NLRC5: variants seen among roughly 807,000 people sequenced by gnomAD.
The protein encoded by NLRC5 is NLR family CARD domain containing 5, also known as protein NLRC5.
In NLRC5, 114 loss-of-function variants were observed where a neutral mutation model predicts 206.9. That is an observed-to-expected ratio of 0.55 (90% CI 0.47 to 0.64). NLRC5 has a LOEUF of 0.64. Ranked by LOEUF, NLRC5 falls within the 30% of genes least tolerant of loss-of-function variation. The pLI is 0.00. For missense variants in NLRC5, 2,008 were observed against 2,305.5 expected (o/e 0.87, Z 2.64); for synonymous variants, 952 against 962.8 (o/e 0.99, Z 0.21).
In NLRC5 at chr16:57,037,181, C is replaced by A; in HGVS notation, c.2712-14C>A. ...AGCCACATGCCAACGGCTGCCTTCT[C>A]CTGCTCTCCACAGCCTCAGTAACAA... On this transcript the variant is annotated splice_polypyrimidine_tract_variant and intron_variant, in intron 14 of 48. Coordinates refer to ENST00000688547, the MANE Select transcript of NLRC5 (RefSeq NM_001384950.1). 1 of 1,611,954 alleles carries A rather than the reference C, an allele frequency of 6.2e-7. No homozygotes were observed. The highest frequency in any genetic ancestry group is 8.5e-7 in the Non-Finnish European group (1 of 1,178,360).
intron 22 of NLRC5, among the ~76,000 whole-genome samples, 172 bp downstream of exon 22, chr16:57,046,813 G>A (rs543412706): frequency 6.6e-6 from 1 of 152,322 alleles, no homozygotes; most frequent in Non-Finnish European, 1.5e-5. Flanking sequence ...GAGTTGGGGA[G>A]CTCTGGCCCC....
chr16:56,997,600 G>A (rs1295221559), intron 1 of NLRC5, among the ~76,000 whole-genome samples: 1 of 151,962 alleles, frequency 6.6e-6, no homozygotes, highest in Admixed American at 6.5e-5. Flanking sequence ...TCGAGATGGG[G>A]GTCTTTCACA....
chr16:57,049,533 C>T (rs1305335485), intron 23 of NLRC5, among the ~76,000 whole-genome samples: 2 of 151,744 alleles, frequency 1.3e-5, no homozygotes, highest in South Asian at 2.1e-4. Context: ...GTCAGGAGTT[C>T]GAGACTAGCC....
Position 57,076,874 on chromosome 16 carries a change from A to C in NLRC5, c.4807A>C (p.Arg1603=). Reference sequence around the variant, plus strand: ...TTGCTGCCACCTTTCTGAGGCTCTCAGGGCTGCCACCAGCCTAGAGGAGCT... The same window carrying C: ...TTGCTGCCACCTTTCTGAGGCTCTCCGGGCTGCCACCAGCCTAGAGGAGCT... ...VGCCHLSEAL[R]AATSLEELDL... is the part of the protein sequence containing the mutation. The change falls in exon 40 of 49, where the codon AGG becomes CGG. Residue 1603 remains arginine, a synonymous_variant. Coordinates refer to ENST00000688547, the MANE Select transcript of NLRC5 (RefSeq NM_001384950.1). 6.2e-7 allele frequency: 1 copy of C among 1,614,042 alleles called. No homozygotes were observed. The highest frequency in any genetic ancestry group is 8.5e-7 in the Non-Finnish European group (1 of 1,180,006).
intron 32 of NLRC5, chr16:57,062,070 A>C: frequency 7.7e-7 from 1 of 1,296,112 alleles, no homozygotes; most frequent in Non-Finnish European, 1.0e-6. Flanking sequence ...TAGAAAGAAT[A>C]ATTTTTTAAA....
rs1205242081 is a variant in NLRC5 at position 57,024,004 on chromosome 16, C to T, written c.424+151C>T. On this transcript the variant is annotated intron_variant, in intron 5 of 48. Transcript: ENST00000688547. ...TTTCCAGGAGAAAAGGACTGGAGGT[C>T]TTGCACAGGCAGAGGAGAGGCCTGG... The T allele has an allele frequency of 2.6e-5, 19 of 740,012 alleles. No individual in the cohort carries two copies. In the African/African-American group the frequency reaches 3.2e-4, roughly 12 times the overall value. 45.8% of individuals were successfully genotyped at this position (740,012 alleles called of 1,614,324 possible). A position where few individuals can be genotyped will look rare whatever the true frequency, so the allele number is the denominator to read the frequency against.
chr16:57,079,686 G>C, intron 46 of NLRC5, 57 bp downstream of exon 46: 2 of 1,477,488 alleles, frequency 1.4e-6, no homozygotes, highest in Non-Finnish European at 1.9e-6. Flanking sequence ...GGGAGGGGTC[G>C]GGGGAGTTGG....
chr16:56,998,187 C>G (rs1311566885), intron 1 of NLRC5, among the ~76,000 whole-genome samples: 1 of 149,792 alleles, frequency 6.7e-6, no homozygotes, highest in Non-Finnish European at 1.5e-5. Context: ...CCTCAAGTCA[C>G]TGATGTCTTT....
chr16:57,024,260 C>T (rs2061014474), intron 5 of NLRC5, among the ~76,000 whole-genome samples: 1 of 152,144 alleles, frequency 6.6e-6, no homozygotes, highest in Non-Finnish European at 1.5e-5. Context: ...AGACAGAGGC[C>T]CTGGGGGCCC....
rs748054205 is a variant in NLRC5 at position 57,031,412 on chromosome 16, A to G, written c.2426A>G (p.Asp809Gly). 1 of 1,613,384 alleles carries G rather than the reference A, an allele frequency of 6.2e-7. No individual in the cohort carries two copies. The highest frequency in any genetic ancestry group is 2.2e-5 in the East Asian group (1 of 44,830). Reference protein sequence around the residue: ...TVRMLQAREADLIFLLSPPTE... With the variant: ...TVRMLQAREAGLIFLLSPPTE... ...GGTATCTGATCCTGCAGGGAGGCGG[A>G]CCTCATCTTCCTTCTTTCCCCGCCC... is the stretch of plus-strand genomic sequence containing the variant. The change falls in exon 11 of 49, where the codon GAC becomes GGC. Residue 809 changes from aspartate to glycine, a missense_variant. Transcript: ENST00000688547.
chr16:57,069,013 G>A (rs1219388742), intron 36 of NLRC5, among the ~76,000 whole-genome samples: 1 of 152,222 alleles, frequency 6.6e-6, no homozygotes, highest in African/African-American at 2.4e-5. Context: ...TTCCATCGGG[G>A]CACATGATGT....
intron 10 of NLRC5, 74 bp downstream of exon 10, chr16:57,030,158 A>G: frequency 8.1e-7 from 1 of 1,232,468 alleles, no homozygotes. Context: ...TGGGAAATGG[A>G]GGAGGCCCCT....
chr16:57,080,879 C>T, intron 46 of NLRC5: 1 of 537,752 alleles, frequency 1.9e-6, no homozygotes, highest in Non-Finnish European at 3.3e-6. Flanking sequence ...ATCTTGTGAA[C>T]AACGTCATGA....
chr16:56,992,929 T>C (rs563138525), intron 1 of NLRC5, among the ~76,000 whole-genome samples: 1 of 152,262 alleles, frequency 6.6e-6, no homozygotes, highest in South Asian at 2.1e-4. Flanking sequence ...ATTTATGTAG[T>C]TTTAAAAATG....
At chr16:56,995,394 C>A (rs2057477925) in intron 1 of NLRC5, among the ~76,000 whole-genome samples, 1 of 152,262 alleles carries the variant, frequency 6.6e-6, no homozygotes, top group African/African-American at 2.4e-5. Flanking sequence ...TGGTGAACAT[C>A]CTCGTAGCTA....
intron 26 of NLRC5, 29 bp downstream of exon 26, chr16:57,055,123 G>C (rs575637002): frequency 3.7e-6 from 6 of 1,613,168 alleles, no homozygotes; most frequent in Non-Finnish European, 5.1e-6. Context: ...TGCCTAGGCA[G>C]CTAGTTGATG....
At chr16:57,072,480 A>G (rs1406142613) in intron 38 of NLRC5, among the ~76,000 whole-genome samples, 1 of 152,156 alleles carries the variant, frequency 6.6e-6, no homozygotes, top group African/African-American at 2.4e-5. Flanking sequence ...GGGCAGAAAA[A>G]AATCTACAGA....
At position 57,036,188 on chromosome 16, in the gene NLRC5, GT is replaced by G. The variant is rs1397081103; in HGVS notation, c.2711+7del. ...GCACATCGCCAGGAAGCTGGAGTGA[GT>G]TGTCCACCCCACCGCTGGGTACCAG... On this transcript the variant is annotated splice_donor_region_variant and intron_variant, in intron 14 of 48. Transcript: ENST00000688547. 1 of 1,612,586 alleles carries G rather than the reference GT, an allele frequency of 6.2e-7. No individual in the cohort carries two copies. Among genetic ancestry groups the G allele is most frequent in the Non-Finnish European group, 8.5e-7 (1 of 1,179,726 alleles).
At chr16:57,002,932 C>T (rs746087305) in intron 1 of NLRC5, among the ~76,000 whole-genome samples, 9 of 152,230 alleles carry the variant, frequency 5.9e-5, no homozygotes, top group East Asian at 1.9e-4. Flanking sequence ...TGTGAGCCTC[C>T]GTGCCCAGCC....
Sources: gnomAD v4.1 joint callset for allele counts (sites outside exome capture counted in the v4.1 genomes callset) on GRCh38, gnomAD v4.1.1 for gene constraint, MANE v1.5 for transcripts, NCBI Gene and HGNC (gene_info 2026-07-23, HGNC 2026-07-21) for gene names.